Variants in SYT6 observed in about 807,000 individuals in gnomAD.
The protein encoded by SYT6 is synaptotagmin-6.
Under a neutral mutation model 38.4 loss-of-function variants are expected in SYT6, and 24 were observed. That is an observed-to-expected ratio of 0.62 (90% CI 0.45 to 0.88). The LOEUF (loss-of-function observed/expected upper bound fraction) is 0.88. Among genes scored for constraint, SYT6 ranks in the 40% least tolerant of loss-of-function variants. SYT6 has a pLI of 0.00. For synonymous variants in SYT6, 265 were observed against 241.9 expected (o/e 1.10, Z -0.89); for missense variants, 611 against 621.0 (o/e 0.98, Z 0.17).
At chr1:114,119,880 G>T (rs896556829) in intron 3 of SYT6, among the ~76,000 whole-genome samples, 1 of 152,118 alleles carries the variant, frequency 6.6e-6, no homozygotes, top group South Asian at 2.1e-4. Flanking sequence ...GACCATCCTG[G>T]CTAGCACAGT....
intron 3 of SYT6, among the ~76,000 whole-genome samples, chr1:114,127,864 AG>A (rs1677835466): frequency 6.6e-6 from 1 of 152,236 alleles, no homozygotes; most frequent in Admixed American, 6.5e-5. Context: ...GACCAGGCCC[AG>A]GGGAGCATGG....
chr1:114,148,209 GC>G (rs1333372876), intron 1 of SYT6, among the ~76,000 whole-genome samples: 3 of 152,200 alleles, frequency 2.0e-5, no homozygotes, highest in South Asian at 2.1e-4. Flanking sequence ...CAGCCCTAGT[GC>G]CCCCTCCCCT....
chr1:114,106,912 C>T (rs1197897594), intron 3 of SYT6, among the ~76,000 whole-genome samples: 1 of 152,208 alleles, frequency 6.6e-6, no homozygotes, highest in Non-Finnish European at 1.5e-5. Flanking sequence ...TGTGCTTCAG[C>T]ATGCCCAGCA....
intron 4 of SYT6, among the ~76,000 whole-genome samples, chr1:114,099,656 T>C (rs1243514268): frequency 1.3e-5 from 2 of 152,236 alleles, no homozygotes; most frequent in African/African-American, 4.8e-5. Flanking sequence ...TTTACCTATG[T>C]GGAGTACTAT....
intron 3 of SYT6, among the ~76,000 whole-genome samples, chr1:114,133,553 TG>T (rs1429139508): frequency 6.6e-6 from 1 of 152,154 alleles, no homozygotes; most frequent in African/African-American, 2.4e-5. Flanking sequence ...GGCAAACCTC[TG>T]GGAATGCCCA....
Position 114,138,076 on chromosome 1 carries a change from A to G in SYT6, c.513-23T>C. ...TGCCTGGTAGAGGGCAGGAGGGGGC[A>G]GAGGGAGTGTGGTCAGGGCTCAGGG... On this transcript the variant is annotated intron_variant, in intron 2 of 7. Transcript: ENST00000610222. The G allele has an allele frequency of 1.2e-6, 2 of 1,604,026 alleles. 1 individual carries two copies. Among genetic ancestry groups the G allele is most frequent in the East Asian group, 4.5e-5 (2 of 44,696 alleles).
At position 114,122,510 on chromosome 1, in the gene SYT6, C is replaced by CGCGCGT. The variant is rs1202521775; in HGVS notation, c.1071+14984_1071+14985insACGCGC. 1.6e-4 allele frequency among the ~76,000 whole-genome samples: 11 copies of CGCGCGT among 70,284 alleles called. No individual in the cohort carries two copies. In the South Asian group the frequency reaches 3.3e-3, roughly 21 times the overall value. The allele number at this position is 70,284 out of a possible 152,430, so 46.1% of individuals were successfully genotyped here. ...GTGTGTGTGTGTGTGTGTGTGTGCG[C>CGCGCGT]GCACATGAGCATATGCACACACACA... On this transcript the variant is annotated intron_variant, in intron 3 of 7. Transcript: ENST00000610222.
At chr1:114,134,235 G>A (rs1678346436) in intron 3 of SYT6, among the ~76,000 whole-genome samples, 1 of 152,170 alleles carries the variant, frequency 6.6e-6, no homozygotes, top group African/African-American at 2.4e-5. Flanking sequence ...CACATGCACA[G>A]GCTGGGTCTC....
At chr1:114,132,454 C>T (rs76838178) in intron 3 of SYT6, among the ~76,000 whole-genome samples, 5,067 of 152,196 alleles carry the variant, frequency 0.033, 322 homozygotes, top group African/African-American at 0.12. Context: ...GACCACACTC[C>T]CGGAGAATGG....
intron 4 of SYT6, among the ~76,000 whole-genome samples, chr1:114,099,860 C>G (rs1675858398): frequency 6.6e-6 from 1 of 152,206 alleles, no homozygotes; most frequent in African/African-American, 2.4e-5. Flanking sequence ...CTCAATAATC[C>G]CATTTCCATT....
chr1:114,153,470 G>A, intron 1 of SYT6, 140 bp downstream of exon 1: 1 of 533,870 alleles, frequency 1.9e-6, no homozygotes, highest in Non-Finnish European at 3.3e-6. Context: ...CCAGAGGGCT[G>A]GACGAGGCTG....
chr1:114,119,237 CTTGGAGTTT>C (rs1677221407), intron 3 of SYT6, among the ~76,000 whole-genome samples: 1 of 152,188 alleles, frequency 6.6e-6, no homozygotes, highest in South Asian at 2.1e-4. Context: ...GGTGATTCTA[CTTGGAGTTT>C]TCCAGCTCCC....
At chr1:114,129,564 T>TTTTA (rs1553183056) in intron 3 of SYT6, among the ~76,000 whole-genome samples, 1 of 112,942 alleles carries the variant, frequency 8.9e-6, no homozygotes, top group Non-Finnish European at 1.8e-5. Flanking sequence ...TTTTTCTTTC[T>TTTTA]TTTCTTTCTT....
At chr1:114,135,649 G>C (rs1418640409) in intron 3 of SYT6, among the ~76,000 whole-genome samples, 3 of 152,220 alleles carry the variant, frequency 2.0e-5, no homozygotes, top group Non-Finnish European at 4.4e-5. Context: ...GTGCATCCAG[G>C]TGAGGAGTGT....
At chr1:114,149,217 TTGTG>T (rs879834403) in intron 1 of SYT6, among the ~76,000 whole-genome samples, 1 of 38,008 alleles carries the variant, frequency 2.6e-5, no homozygotes, top group African/African-American at 1.2e-4. Context: ...GAGAGAGAGA[TTGTG>T]TGTGTGTGTG....
intron 3 of SYT6, among the ~76,000 whole-genome samples, chr1:114,115,142 A>G (rs1244664665): frequency 6.6e-6 from 1 of 152,226 alleles, no homozygotes; most frequent in Non-Finnish European, 1.5e-5. Context: ...ATCACTTGGA[A>G]CTAATCAGAA....
At chr1:114,113,726 C>A (rs542347097) in intron 3 of SYT6, among the ~76,000 whole-genome samples, 1 of 152,118 alleles carries the variant, frequency 6.6e-6, no homozygotes, top group Admixed American at 6.5e-5. Context: ...CAAAGCCTAC[C>A]CCCCTGCCAG....
intron 3 of SYT6, among the ~76,000 whole-genome samples, chr1:114,106,264 T>C (rs138929431): frequency 7.2e-4 from 110 of 152,028 alleles, no homozygotes; most frequent in African/African-American, 2.6e-3. Flanking sequence ...AACCAACCCA[T>C]TGCACATGGA....
intron 1 of SYT6, among the ~76,000 whole-genome samples, chr1:114,149,395 T>C (rs535279130): frequency 6.6e-6 from 1 of 152,162 alleles, no homozygotes; most frequent in African/African-American, 2.4e-5. Context: ...CTTCCTTTGC[T>C]TCTTTCAGAG....
Sources: gnomAD v4.1 joint callset for allele counts (sites outside exome capture counted in the v4.1 genomes callset) on GRCh38, gnomAD v4.1.1 for gene constraint, MANE v1.5 for transcripts, NCBI Gene and HGNC (gene_info 2026-07-23, HGNC 2026-07-21) for gene names.